The following EPHA2 variants were observed in gnomAD, a reference collection of about 807,000 sequenced individuals.
EPHA2 encodes the protein ephrin type-A receptor 2.
Under a neutral mutation model 104.9 loss-of-function variants are expected in EPHA2, and 54 were observed. The ratio of observed to expected loss-of-function variants is 0.51; its 90% CI spans 0.41 to 0.65. The LOEUF (loss-of-function observed/expected upper bound fraction) is 0.65. Among genes scored for constraint, EPHA2 ranks in the 30% least tolerant of loss-of-function variants. EPHA2 has a pLI of 0.00. For synonymous variants in EPHA2, 560 were observed against 559.1 expected (o/e 1.00, Z -0.02); for missense variants, 1,117 against 1,369.5 (o/e 0.82, Z 2.91).
At chr1:16,147,501 T>G (rs775618460) in intron 3 of EPHA2, among the ~76,000 whole-genome samples, 1 of 151,936 alleles carries the variant, frequency 6.6e-6, no homozygotes, top group Non-Finnish European at 1.5e-5. Flanking sequence ...TAAGGCCACA[T>G]AGTGAGCTGA....
At chr1:16,132,020 G>A in intron 13 of EPHA2, 44 bp downstream of exon 13, 1 of 1,613,646 alleles carries the variant, frequency 6.2e-7, no homozygotes, top group Non-Finnish European at 8.5e-7. Flanking sequence ...ACACCATGCA[G>A]GGCGAAGGCC....
intron 2 of EPHA2, among the ~76,000 whole-genome samples, chr1:16,149,662 AC>A (rs2025000762): frequency 6.6e-6 from 1 of 152,182 alleles, no homozygotes; most frequent in Admixed American, 6.5e-5. Context: ...AGGTTAGGCT[AC>A]AGTTGGGCCA....
Position 16,137,554 on chromosome 1 carries a change from A to T in EPHA2, c.1312+299T>A, listed in dbSNP as rs535060259. On this transcript the variant is annotated intron_variant, in intron 5 of 16. Coordinates refer to ENST00000358432, the MANE Select transcript of EPHA2 (RefSeq NM_004431.5). The stretch of plus-strand genomic sequence containing the variant: ...CAGAGGTTGCAGTGAGCCGAGATCA[A>T]GCCACTGCACTCCAGCCTGGGCAAC... Among the ~76,000 whole-genome samples, 80 of 152,280 alleles carry T rather than the reference A, an allele frequency of 5.3e-4. 1 individual carries two copies. In the South Asian group the frequency reaches 8.3e-3, roughly 16 times the overall value.
intron 9 of EPHA2, 73 bp downstream of exon 9, chr1:16,133,787 C>G: frequency 6.7e-7 from 1 of 1,495,784 alleles, no homozygotes; most frequent in East Asian, 2.5e-5. Flanking sequence ...AACACCCTGG[C>G]TGCCCCCACC....
In EPHA2 at chr1:16,150,205, C is replaced by G. The variant is rs2025009677; in HGVS notation, c.153+691G>C. Reference sequence around the variant, plus strand: ...TAGCCCCTGGGAGACAGCCCCCTTTCTCAGCTCAGGGTCCCAGGACAAACT... The same window carrying G: ...TAGCCCCTGGGAGACAGCCCCCTTTGTCAGCTCAGGGTCCCAGGACAAACT... On this transcript the variant is annotated intron_variant, in intron 2 of 16. Coordinates refer to ENST00000358432, the MANE Select transcript of EPHA2 (RefSeq NM_004431.5). The surrounding 1 kb of genome is among the most constrained non-coding windows in gnomAD (Gnocchi z 4.8). Among the ~76,000 whole-genome samples, 1 of 152,150 alleles carries G rather than the reference C, an allele frequency of 6.6e-6. No individual in the cohort carries two copies. The highest frequency in any genetic ancestry group is 1.5e-5 in the Non-Finnish European group (1 of 68,014).
Position 16,124,876 on chromosome 1 carries a change from C to T in EPHA2, c.*339G>A. ...AGCCCTCCATCTCCTGAGATGGCCT[C>T]ATGTGGGAGAAGGCGGAGGGAAGGT... On this transcript the variant is annotated 3_prime_UTR_variant, in exon 17 of 17. Transcript: ENST00000358432. The T allele has an allele frequency of 3.2e-6, 1 of 309,274 alleles. No individual in the cohort carries two copies. The highest frequency in any genetic ancestry group is 6.4e-6 in the Non-Finnish European group (1 of 157,280). 19.2% of individuals were successfully genotyped at this position (309,274 alleles called of 1,614,324 possible).
At chr1:16,154,521 CGGCGGGT>C (rs964448718) in intron 1 of EPHA2, among the ~76,000 whole-genome samples, 4 of 151,898 alleles carry the variant, frequency 2.6e-5, no homozygotes, top group Non-Finnish European at 4.4e-5. Context: ...TGGGAGGCCG[CGGCGGGT>C]GGATCACCTG....
Position 16,125,249 on chromosome 1 carries a change from T to C in EPHA2, c.2897A>G (p.Lys966Arg). The C allele has an allele frequency of 6.2e-7, 1 of 1,614,004 alleles. No homozygotes were observed. Among genetic ancestry groups the C allele is most frequent in the South Asian group, 1.1e-5 (1 of 91,040 alleles). The change falls in exon 17 of 17, where the codon AAG (lysine) becomes AGG (arginine). Residue 966 changes from lysine to arginine, a missense_variant. Around this residue, in one of 3 missense-constraint regions of EPHA2, gnomAD observed 340 missense variants for 480.5 expected, o/e 0.71. Transcript: ENST00000358432. This position sits in a 1 kb window ranked among gnomAD's most constrained non-coding sequence, Gnocchi z 4.9. ...KRIAYSLLGLKDQVNTVGIPI is the reference protein window; with the variant it reads ...KRIAYSLLGLRDQVNTVGIPI ...GATCCCCACAGTGTTCACCTGGTCC[T>C]TGAGTCCCAGCAGGCTGTAGGCGAT...
rs1299005737 is a variant in EPHA2, at chr1:16,148,561, T to C, written c.640A>G (p.Thr214Ala). The change falls in exon 3 of 17, where the codon ACC (threonine) becomes GCC (alanine). Residue 214 changes from threonine to alanine, a missense_variant. This residue lies in a region of EPHA2 where 664 missense variants were observed against 784.8 expected (regional missense o/e 0.85). Transcript: ENST00000358432. The surrounding 1 kb of genome is among the most constrained non-coding windows in gnomAD (Gnocchi z 4.9). ...LLQGLAHFPE[T>A]IAGSDAPSLA... ...GAAGGTGCATCAGAGCCGGCGATGG[T>C]CTCAGGGAAGTGGGCCAGGCCCTGC... 1 of 1,612,526 alleles carries C rather than the reference T, an allele frequency of 6.2e-7. No individual in the cohort carries two copies. Among genetic ancestry groups the C allele is most frequent in the Admixed American group, 1.7e-5 (1 of 60,008 alleles).
At chr1:16,137,705 G>A (rs905678739) in intron 5 of EPHA2, 148 bp downstream of exon 5, 3 of 891,620 alleles carry the variant, frequency 3.4e-6, no homozygotes, top group Non-Finnish European at 5.2e-6. Context: ...TGTGGCCCAC[G>A]GGTTGGACAA....
Position 16,135,161 on chromosome 1 carries a change from C to T in EPHA2, c.1457G>A (p.Arg486His), listed in dbSNP as rs1229539733. The change falls in exon 7 of 17, where the codon CGC becomes CAC. Residue 486 changes from arginine (R) to histidine (H), a missense_variant. By Grantham distance (29) the Arg-to-His change is conservative. This residue lies in a region of EPHA2 where 664 missense variants were observed against 784.8 expected (regional missense o/e 0.85). Transcript: ENST00000358432. The surrounding 1 kb of genome is among the most constrained non-coding windows in gnomAD (Gnocchi z 4.3). ...KGDSNSYNVR[R>H]TEGFSVTLDD... Reference sequence around the variant, plus strand: ...CAGGGTCACGGAGAAACCCTCGGTGCGGCGCACATTGTAGCTGTTGGAGTC... The same window carrying T: ...CAGGGTCACGGAGAAACCCTCGGTGTGGCGCACATTGTAGCTGTTGGAGTC... 15 of 1,613,808 alleles carry T rather than the reference C, an allele frequency of 9.3e-6. No individual in the cohort carries two copies. The highest frequency in any genetic ancestry group is 2.2e-5 in the South Asian group (2 of 91,082).
intron 16 of EPHA2, among the ~76,000 whole-genome samples, chr1:16,127,522 G>A (rs1418240631): frequency 6.6e-6 from 1 of 152,168 alleles, no homozygotes; most frequent in Non-Finnish European, 1.5e-5. Context: ...CTGAGAAGGG[G>A]AGGAGGTGGG....
In EPHA2 at chr1:16,125,723, G is replaced by T. The variant is rs2024453837; in HGVS notation, c.2826-403C>A. On this transcript the variant is annotated intron_variant, in intron 16 of 16. Transcript: ENST00000358432. This position sits in a 1 kb window ranked among gnomAD's most constrained non-coding sequence, Gnocchi z 4.9. ...TTGCCTGAAGTCACACAGCTAGGAG[G>T]TGGAAGAGCTGGGAATCAAACCAGC... is the stretch of plus-strand genomic sequence containing the variant. 6.6e-6 allele frequency among the ~76,000 whole-genome samples: 1 copy of T among 152,134 alleles called. No individual in the cohort carries two copies. Among genetic ancestry groups the T allele is most frequent in the South Asian group, 2.1e-4 (1 of 4,828 alleles).
chr1:16,155,685 G>T, intron 1 of EPHA2, 163 bp downstream of exon 1: 2 of 511,956 alleles, frequency 3.9e-6, no homozygotes, highest in Non-Finnish European at 6.4e-6. Context: ...CCCGGGTGGG[G>T]GCCAGGGCTC....
chr1:16,133,441 G>T, intron 10 of EPHA2, 40 bp downstream of exon 10: 3 of 1,613,970 alleles, frequency 1.9e-6, no homozygotes, highest in Non-Finnish European at 1.7e-6. Flanking sequence ...TGTCACCACC[G>T]CTGCCTCCTC....
chr1:16,150,981 GA>G lies in EPHA2; in HGVS notation c.86-19del, dbSNP rs2025024676. On this transcript the variant is annotated intron_variant, in intron 1 of 16. Coordinates refer to ENST00000358432, the MANE Select transcript of EPHA2 (RefSeq NM_004431.5). The surrounding 1 kb of genome is among the most constrained non-coding windows in gnomAD (Gnocchi z 4.8). ...CAGTACCACTGAAAGGGAGAAGGGA[GA>G]GGGGGTGAGCCTGGGGGTGTCTTCA... is the stretch of plus-strand genomic sequence containing the variant. 1 of 1,613,756 alleles carries G rather than the reference GA, an allele frequency of 6.2e-7. No homozygotes were observed. The highest frequency in any genetic ancestry group is 1.7e-5 in the Admixed American group (1 of 60,002).
At chr1:16,143,967 C>G (rs2024879055) in intron 3 of EPHA2, among the ~76,000 whole-genome samples, 1 of 152,182 alleles carries the variant, frequency 6.6e-6, no homozygotes, top group African/African-American at 2.4e-5. Flanking sequence ...CACCCTGTCC[C>G]TTTCACACAC....
rs1231244637 is a variant in EPHA2, at chr1:16,143,493, C to T, written c.823+4885G>A. ...GTTGTCTGGCAGGCCTGGGCTACTC[C>T]GAGCAGGGGAACTGGGGCACAGTGG... On this transcript the variant is annotated intron_variant, in intron 3 of 16. Coordinates refer to ENST00000358432, the MANE Select transcript of EPHA2 (RefSeq NM_004431.5). 5.9e-5 allele frequency among the ~76,000 whole-genome samples: 9 copies of T among 152,042 alleles called. No homozygotes were observed. In the East Asian group the frequency reaches 7.7e-4, roughly 13 times the overall value.
At chr1:16,149,284 T>C (rs2024994182) in intron 2 of EPHA2, among the ~76,000 whole-genome samples, 1 of 152,180 alleles carries the variant, frequency 6.6e-6, no homozygotes, top group African/African-American at 2.4e-5. Flanking sequence ...GTTGTGAGCC[T>C]GCAGGTGGAG....
Sources: allele counts gnomAD v4.1 joint callset (sites outside exome capture counted in the v4.1 genomes callset), GRCh38; gene constraint gnomAD v4.1.1; regional missense constraint gnomAD v4.1.1; non-coding constraint Gnocchi (gnomAD v3.1); transcripts MANE v1.5; gene names NCBI Gene and HGNC (gene_info 2026-07-23, HGNC 2026-07-21).